The following ZNF853 variants were observed in gnomAD, a reference collection of about 807,000 sequenced individuals.
ZNF853 encodes zinc finger protein 853.
ZNF853 carries 57 observed loss-of-function variants against 94.7 expected under a neutral mutation model. That is an observed-to-expected ratio of 0.60 (90% CI 0.49 to 0.75). The LOEUF (loss-of-function observed/expected upper bound fraction) is 0.75, where lower values mean the gene tolerates loss of function less well. ZNF853 is among the 30% of genes least tolerant of loss of function. The pLI is 0.00. For missense variants in ZNF853, 785 were observed against 868.9 expected, an observed-to-expected ratio of 0.90 and a Z score of 1.21; for synonymous variants, 448 against 406.3, an observed-to-expected ratio of 1.10 and a Z score of -1.23.
chr7:6,616,279 A>T, intron 1 of ZNF853, 93 bp downstream of exon 1: 1 of 1,317,518 alleles, frequency 7.6e-7, no homozygotes, highest in South Asian at 1.4e-5. Flanking sequence ...TGTTTAGGGG[A>T]GAGGGGCCAG....
chr7:6,623,003 G>T lies in ZNF853; in HGVS notation c.*32G>T, dbSNP rs1232177011. ...TGATCGGGGCTGCCTGGCCGGGAGG[G>T]GACCCCCCACCCGCCTCCACCTGAA... On this transcript the variant is annotated 3_prime_UTR_variant, in exon 3 of 3. Transcript: ENST00000457543. 8.1e-7 allele frequency: 1 copy of T among 1,241,464 alleles called. No homozygotes were observed. The allele number at this position is 1,241,464 out of a possible 1,614,324, so 76.9% of individuals were successfully genotyped here.
Position 6,622,150 on chromosome 7 carries a change from G to C in ZNF853, c.1159G>C (p.Glu387Gln), listed in dbSNP as rs1424645163. ...QQLEQQEVQL[E>Q]LTPVELGAQQ... is the part of the protein sequence containing the mutation. ...GCTGGAGCAGCAGGAGGTGCAGCTG[G>C]AGCTGACCCCGGTGGAGCTAGGCGC... The change falls in exon 3 of 3, where the codon GAG becomes CAG. Residue 387 changes from glutamate (E) to glutamine (Q), a missense_variant. Glu to Gln is a conservative substitution (Grantham distance 29, BLOSUM62 2). Coordinates refer to ENST00000457543, the MANE Select transcript of ZNF853 (RefSeq NM_017560.3). 1.3e-6 allele frequency: 2 copies of C among 1,543,630 alleles called. No homozygotes were observed. The highest frequency in any genetic ancestry group is 1.7e-6 in the Non-Finnish European group (2 of 1,146,548).
At position 6,622,681 on chromosome 7, in the gene ZNF853, AC is replaced by A; in HGVS notation, c.1692del (p.Glu566SerfsTer133). ...SALVQHQRTH[T>X]GERPYACGDC... ...GCTCGTGCAGCACCAGCGCACGCAC[AC>A]CGGGGAGCGACCCTACGCCTGCGGG... On this transcript the variant is annotated frameshift_variant, in exon 3 of 3. Coordinates refer to ENST00000457543, the MANE Select transcript of ZNF853 (RefSeq NM_017560.3). LOFTEE classifies it high-confidence loss of function. 6.3e-7 allele frequency: 1 copy of A among 1,578,218 alleles called. No homozygotes were observed. Among genetic ancestry groups the A allele is most frequent in the Non-Finnish European group, 8.6e-7 (1 of 1,163,624 alleles).
Position 6,621,403 on chromosome 7 carries a change from C to T in ZNF853, c.412C>T (p.His138Tyr). The change falls in exon 3 of 3, where the codon CAC becomes TAC. Residue 138 changes from histidine to tyrosine, a missense_variant. Transcript: ENST00000457543. ...QQLSQLQQEK[H>Y]QSVHHQELKP... ...GCTATCTCAACTACAACAGGAAAAA[C>T]ACCAATCCGTGCACCATCAGGAACT... 1 of 1,551,766 alleles carries T rather than the reference C, an allele frequency of 6.4e-7. No individual in the cohort carries two copies. Among genetic ancestry groups the T allele is most frequent in the South Asian group, 1.2e-5 (1 of 84,064 alleles).
chr7:6,620,033 C>G, intron 2 of ZNF853, among the ~76,000 whole-genome samples: 1 of 152,184 alleles, frequency 6.6e-6, no homozygotes, highest in Non-Finnish European at 1.5e-5. Context: ...TTTCAAGCAC[C>G]TACCAGGCTC....
In ZNF853 at chr7:6,623,097, C is replaced by CCATCATCAT. The variant is rs1049545705; in HGVS notation, c.*137_*145dup. 1.3e-6 allele frequency: 1 copy of CCATCATCAT among 743,544 alleles called. No homozygotes were observed. The highest frequency in any genetic ancestry group is 1.8e-6 in the Non-Finnish European group (1 of 541,392). The allele number at this position is 743,544 out of a possible 1,614,324, so 46.1% of individuals were successfully genotyped here. A position where few individuals can be genotyped will look rare whatever the true frequency, so the allele number is the denominator to read the frequency against. On this transcript the variant is annotated 3_prime_UTR_variant, in exon 3 of 3. Transcript: ENST00000457543. ...ATATCCCTGGAGTAAAAGGCTTCCA[C>CCATCATCAT]CATCATCATCATCATCATCTTCCGG...
chr7:6,617,425 A>C, intron 2 of ZNF853, 118 bp downstream of exon 2: 1 of 940,088 alleles, frequency 1.1e-6, no homozygotes, highest in African/African-American at 1.7e-5. Context: ...AGCTGCATTG[A>C]GTAACACCAG....
At chr7:6,618,555 A>T in intron 2 of ZNF853, among the ~76,000 whole-genome samples, 1 of 152,144 alleles carries the variant, frequency 6.6e-6, no homozygotes, top group Non-Finnish European at 1.5e-5. Context: ...CAAAAAGTTT[A>T]AAAAATTAGC....
rs368412948 is a variant in ZNF853, at chr7:6,621,750, A to G, written c.759A>G (p.Gln253=). Residue 253 remains glutamine, a synonymous_variant, in exon 3 of 3, where the codon CAA becomes CAG. Coordinates refer to ENST00000457543, the MANE Select transcript of ZNF853 (RefSeq NM_017560.3). ...LLQQQGQLQQ[Q]LLQQQQAQLQ... is the part of the protein sequence containing the mutation. ...AGCAGCAGGGACAGTTACAGCAGCA[A>G]CTGTTGCAGCAGCAGCAGGCACAGT... 71 of 1,550,132 alleles carry G rather than the reference A, an allele frequency of 4.6e-5. No homozygotes were observed. The East Asian group carries it at 4.9e-4, about 11-fold the overall frequency.
intron 2 of ZNF853, among the ~76,000 whole-genome samples, chr7:6,620,390 C>A: frequency 6.6e-6 from 1 of 152,224 alleles, no homozygotes; most frequent in African/African-American, 2.4e-5. Flanking sequence ...GTGGTTTCTA[C>A]TGGAGGGTGA....
intron 2 of ZNF853, among the ~76,000 whole-genome samples, chr7:6,619,955 C>G: frequency 1.3e-5 from 2 of 152,192 alleles, no homozygotes. Context: ...CAATCTCAAA[C>G]AGTCCCAGTC....
At position 6,623,014 on chromosome 7, in the gene ZNF853, C is replaced by T. The variant is rs978639298; in HGVS notation, c.*43C>T. 1.6e-4 allele frequency: 199 copies of T among 1,237,602 alleles called. 1 individual carries two copies. The highest frequency in any genetic ancestry group is 3.4e-5 in the Non-Finnish European group (34 of 991,502). The allele number at this position is 1,237,602 out of a possible 1,614,324, so 76.7% of individuals were successfully genotyped here. A position where few individuals can be genotyped will look rare whatever the true frequency, so the allele number is the denominator to read the frequency against. The stretch of plus-strand genomic sequence containing the variant: ...GCCTGGCCGGGAGGGGACCCCCCAC[C>T]CGCCTCCACCTGAAAAGCTCCTTGA... On this transcript the variant is annotated 3_prime_UTR_variant, in exon 3 of 3. Transcript: ENST00000457543.
At chr7:6,618,236 G>T in intron 2 of ZNF853, among the ~76,000 whole-genome samples, 1 of 152,146 alleles carries the variant, frequency 6.6e-6, no homozygotes, top group Admixed American at 6.5e-5. Context: ...GGCAGAGGTT[G>T]CAGTGAGCCA....
intron 2 of ZNF853, chr7:6,617,673 G>T: frequency 1.0e-6 from 1 of 984,760 alleles, no homozygotes; most frequent in Non-Finnish European, 1.2e-6. Context: ...GTACTAATAG[G>T]CTCTCTTCCT....
chr7:6,622,343 C>T lies in ZNF853; in HGVS notation c.1352C>T (p.Ala451Val), dbSNP rs779484251. 4 of 1,465,044 alleles carry T rather than the reference C, an allele frequency of 2.7e-6. No homozygotes were observed. The highest frequency in any genetic ancestry group is 3.6e-6 in the Non-Finnish European group (4 of 1,117,504). The allele number at this position is 1,465,044 out of a possible 1,614,324, so 90.8% of individuals were successfully genotyped here. The change falls in exon 3 of 3, where the codon GCC (alanine) becomes GTC (valine). Residue 451 changes from alanine to valine, a missense_variant. Coordinates refer to ENST00000457543, the MANE Select transcript of ZNF853 (RefSeq NM_017560.3). ...GTGCAGGAGCTCATGGTGCTGCCCG[C>T]CGTGGCAGCGCCGGCCGTGGTGGCC... The part of the protein sequence containing the change: ...VVVQELMVLP[A>V]VAAPAVVAIP...
chr7:6,623,005 A>AC lies in ZNF853; in HGVS notation c.*40dup, dbSNP rs375641028. ...ATCGGGGCTGCCTGGCCGGGAGGGG[A>AC]CCCCCCACCCGCCTCCACCTGAAAA... On this transcript the variant is annotated 3_prime_UTR_variant, in exon 3 of 3. Transcript: ENST00000457543. 7.3e-5 allele frequency: 91 copies of AC among 1,238,322 alleles called. No individual in the cohort carries two copies. The highest frequency in any genetic ancestry group is 5.6e-4 in the African/African-American group (36 of 64,092). 76.7% of individuals were successfully genotyped at this position (1,238,322 alleles called of 1,614,324 possible).
In ZNF853 at chr7:6,624,274, A is replaced by G. The variant is rs1315266101; in HGVS notation, c.*1303A>G. ...GAGAAACAGAAACGAAAAATAAATTAAAATGCAGAAATACAATGTCCTTGT... is the reference window on the plus strand; with the variant it reads ...GAGAAACAGAAACGAAAAATAAATTGAAATGCAGAAATACAATGTCCTTGT... On this transcript the variant is annotated 3_prime_UTR_variant, in exon 3 of 3. Coordinates refer to ENST00000457543, the MANE Select transcript of ZNF853 (RefSeq NM_017560.3). 1 of 152,194 alleles carries G rather than the reference A, an allele frequency of 6.6e-6. No individual in the cohort carries two copies. Among genetic ancestry groups the G allele is most frequent in the Non-Finnish European group, 1.5e-5 (1 of 68,048 alleles). The allele number at this position is 152,194 out of a possible 1,614,324, so 9.4% of individuals were successfully genotyped here.
At chr7:6,618,017 T>C in intron 2 of ZNF853, among the ~76,000 whole-genome samples, 1 of 152,140 alleles carries the variant, frequency 6.6e-6, no homozygotes, top group African/African-American at 2.4e-5. Flanking sequence ...AGGACCGTTC[T>C]GACCGAGCAT....
At chr7:6,617,742 C>G in intron 2 of ZNF853, 1 of 675,414 alleles carries the variant, frequency 1.5e-6, no homozygotes, top group Non-Finnish European at 1.8e-6. Flanking sequence ...GGCCTCGTAA[C>G]CTTTTCCACT....
Sources: allele counts gnomAD v4.1 joint callset (sites outside exome capture counted in the v4.1 genomes callset), GRCh38; gene constraint gnomAD v4.1.1; transcripts MANE v1.5; gene names NCBI Gene and HGNC (gene_info 2026-07-23, HGNC 2026-07-21).